ANKAR: variants seen among roughly 807,000 people sequenced by gnomAD.
ANKAR encodes ankyrin and armadillo repeat containing.
A neutral mutation model predicts 146.2 loss-of-function variants in ANKAR; 136 were observed. That is an observed-to-expected ratio of 0.93 (90% CI 0.81 to 1.07). The LOEUF (loss-of-function observed/expected upper bound fraction) is 1.07, where lower values mean the gene tolerates loss of function less well. Ranked by LOEUF, ANKAR falls within the 50% of genes least tolerant of loss-of-function variation. The pLI, the probability that ANKAR is intolerant of heterozygous loss-of-function variation, is 0.00. For missense variants in ANKAR, 1,567 were observed against 1,679.9 expected (o/e 0.93, Z 1.18); for synonymous variants, 500 against 575.8 (o/e 0.87, Z 1.88).
chr2:189,741,719 C>T (rs1395041876), intron 20 of ANKAR, among the ~76,000 whole-genome samples: 1 of 151,854 alleles, frequency 6.6e-6, no homozygotes, highest in Non-Finnish European at 1.5e-5. Context: ...TTGTTTTAAC[C>T]CTAAGACTTA....
rs1351705026 is a variant in ANKAR at position 189,738,565 on chromosome 2, A to C, written c.3583A>C (p.Ile1195Leu). The C allele has an allele frequency of 6.4e-7, 1 of 1,560,754 alleles. No homozygotes were observed. Among genetic ancestry groups the C allele is most frequent in the Non-Finnish European group, 8.7e-7 (1 of 1,145,790 alleles). ...ETEKAMAAFQ[I>L]VVLAKVIRDM... ...CTCTCTGCTTCTTTTCTGTTTTCAG[A>C]TTGTTGTACTGGCTAAAGTCATTAG... Residue 1195 changes from isoleucine (I) to leucine (L), a missense_variant and splice_region_variant, in exon 19 of 23, where the codon ATT (isoleucine) becomes CTT (leucine). Ile to Leu is a conservative substitution (Grantham distance 5, BLOSUM62 2). Coordinates refer to ENST00000684021, the MANE Select transcript of ANKAR (RefSeq NM_001378068.1).
chr2:189,727,217 CAA>C (rs2041971368), intron 12 of ANKAR, among the ~76,000 whole-genome samples: 2 of 151,940 alleles, frequency 1.3e-5, no homozygotes, highest in Non-Finnish European at 2.9e-5. Context: ...ATCAAATTAG[CAA>C]AGTTTACATA....
chr2:189,760,188 CTCTT>C (rs2046792648), intron 18 of ANKAR, among the ~76,000 whole-genome samples: 1 of 152,228 alleles, frequency 6.6e-6, no homozygotes, highest in Admixed American at 6.5e-5. Context: ...AATCTGATCT[CTCTT>C]TCTTTTCCCC....
At chr2:189,707,452 CAAAAAAAAA>C (rs67227035) in intron 9 of ANKAR, among the ~76,000 whole-genome samples, 2 of 72,928 alleles carry the variant, frequency 2.7e-5, no homozygotes, top group Non-Finnish European at 4.9e-5. Context: ...TCTCCTTCAT[CAAAAAAAAA>C]AAAAAAAAAA....
At chr2:189,745,594 G>A (rs531191682) in intron 22 of ANKAR, among the ~76,000 whole-genome samples, 2 of 152,292 alleles carry the variant, frequency 1.3e-5, no homozygotes, top group African/African-American at 4.8e-5. Flanking sequence ...ATATGTAATA[G>A]GGAATATAAA....
At chr2:189,700,717 A>G (rs1433013533) in intron 7 of ANKAR, among the ~76,000 whole-genome samples, 3 of 152,012 alleles carry the variant, frequency 2.0e-5, no homozygotes, top group Non-Finnish European at 4.4e-5. Flanking sequence ...CCATCATTAT[A>G]CTCTGTATCT....
At chr2:189,732,501 G>T (rs992730622) in intron 16 of ANKAR, among the ~76,000 whole-genome samples, 3 of 151,738 alleles carry the variant, frequency 2.0e-5, no homozygotes, top group South Asian at 4.2e-4. Flanking sequence ...CTCTGCTAAA[G>T]ATACAAAAAA....
chr2:189,754,922 C>G (rs1188832894), intron 18 of ANKAR: 5 of 463,410 alleles, frequency 1.1e-5, no homozygotes, highest in South Asian at 6.4e-5. Context: ...TGGCAAAATA[C>G]ATAACTGTAT....
At chr2:189,711,011 C>G in intron 9 of ANKAR, 38 bp from the exon 10 acceptor site, 1 of 1,553,842 alleles carries the variant, frequency 6.4e-7, no homozygotes, top group Non-Finnish European at 8.8e-7. Context: ...GCCTTTTGTG[C>G]AAATTACAGC....
At chr2:189,705,861 A>G (rs1194319916) in intron 8 of ANKAR, among the ~76,000 whole-genome samples, 4 of 152,096 alleles carry the variant, frequency 2.6e-5, no homozygotes, top group African/African-American at 9.7e-5. Context: ...CTAGAAATCT[A>G]AAGGCCAGGT....
Position 189,689,871 on chromosome 2 carries a change from C to G in ANKAR, c.946C>G (p.Leu316Val), listed in dbSNP as rs1268663252. ...AGATATCAGAAGAGGGATAGGATACCTAAAGTTAATATGTTTTCTGATTCC... is the reference window on the plus strand; with the variant it reads ...AGATATCAGAAGAGGGATAGGATACGTAAAGTTAATATGTTTTCTGATTCC... ...KKDIRRGIGY[L>V]KLICFLIPFL... The change falls in exon 3 of 23, where the codon CTA (leucine) becomes GTA (valine). Residue 316 changes from leucine (L) to valine (V), a missense_variant. Leu to Val is a conservative substitution (Grantham distance 32). Coordinates refer to ENST00000684021, the MANE Select transcript of ANKAR (RefSeq NM_001378068.1). The G allele has an allele frequency of 1.9e-6, 3 of 1,589,832 alleles. No homozygotes were observed. Among genetic ancestry groups the G allele is most frequent in the African/African-American group, 2.7e-5 (2 of 73,374 alleles).
rs139545987 is a variant in ANKAR at position 189,696,811 on chromosome 2, G to A, written c.1708+442G>A. On this transcript the variant is annotated intron_variant, in intron 7 of 22. Coordinates refer to ENST00000684021, the MANE Select transcript of ANKAR (RefSeq NM_001378068.1). The stretch of plus-strand genomic sequence containing the variant: ...GAACAGCAATAGATATGACTGTCAG[G>A]TCCCAGTAGAACAATCATTCTTTAT... Among the ~76,000 whole-genome samples, 232 of 152,234 alleles carry A rather than the reference G, an allele frequency of 1.5e-3. 1 individual carries two copies. Among genetic ancestry groups the A allele is most frequent in the African/African-American group, 5.3e-3 (222 of 41,556 alleles).
At chr2:189,746,310 A>T in intron 22 of ANKAR, 70 bp from the exon 23 acceptor site, 1 of 1,447,768 alleles carries the variant, frequency 6.9e-7, no homozygotes, top group Non-Finnish European at 9.3e-7. Flanking sequence ...ATAGAACTAC[A>T]TAGAAGTAGA....
chr2:189,689,847 G>A lies in ANKAR; in HGVS notation c.922G>A (p.Asp308Asn). Residue 308 changes from aspartate to asparagine, a missense_variant, in exon 3 of 23, where the codon GAT becomes AAT. Physicochemically the swap from Asp to Asn is conservative, Grantham distance 23. Coordinates refer to ENST00000684021, the MANE Select transcript of ANKAR (RefSeq NM_001378068.1). ...TCAAAAACACTTTGAGAAGAAAAAA[G>A]ATATCAGAAGAGGGATAGGATACCT... ...IIQKHFEKKK[D>N]IRRGIGYLKL... 1.9e-6 allele frequency: 3 copies of A among 1,602,946 alleles called. No homozygotes were observed. Among genetic ancestry groups the A allele is most frequent in the Non-Finnish European group, 2.6e-6 (3 of 1,175,184 alleles).
intron 20 of ANKAR, among the ~76,000 whole-genome samples, chr2:189,742,951 CACACACACACACACACACACACACA>C (rs2043568242): frequency 7.0e-6 from 1 of 143,136 alleles, no homozygotes; most frequent in South Asian, 2.2e-4. Flanking sequence ...CACACACACA[CACACACACACACACACACACACACA>C]CACACCCCTG....
In ANKAR at chr2:189,720,694, C is replaced by G. The variant is rs755839623; in HGVS notation, c.2542C>G (p.Arg848Gly). 1 of 1,502,394 alleles carries G rather than the reference C, an allele frequency of 6.7e-7. No homozygotes were observed. The highest frequency in any genetic ancestry group is 8.9e-7 in the Non-Finnish European group (1 of 1,127,176). The allele number at this position is 1,502,394 out of a possible 1,614,324, so 93.1% of individuals were successfully genotyped here. ...NVLVNVMNCIRVLCIGNENNQ... is the reference protein window; with the variant it reads ...NVLVNVMNCIGVLCIGNENNQ... ...GCTAGTAAATGTAATGAACTGTATA[C>G]GGGTATTGTGTATAGGAAATGAAAA... is the stretch of plus-strand genomic sequence containing the variant. Residue 848 changes from arginine (R) to glycine (G), a missense_variant, in exon 12 of 23, where the codon CGG (arginine) becomes GGG (glycine). Physicochemically the swap from Arg to Gly is moderately radical, Grantham distance 125. Coordinates refer to ENST00000684021, the MANE Select transcript of ANKAR (RefSeq NM_001378068.1).
At chr2:189,677,135 G>T (rs56090484) in intron 2 of ANKAR, 44 bp downstream of exon 2, 246,968 of 1,259,330 alleles carry the variant, frequency 0.2, 10,055 homozygotes, top group African/African-American at 0.3. Flanking sequence ...TTTTTTTTTT[G>T]GAACAGAGTC....
At chr2:189,750,385 C>T (rs13416709), downstream of ANKAR, 5,928 of 402,304 alleles carry the variant, frequency 0.015, 331 homozygotes, top group African/African-American at 0.12. Flanking sequence ...AAGAAAAAAA[C>T]TATCTTCCCT....
At chr2:189,731,376 C>CTTTTTTTTTTTTTT (rs71023714) in intron 16 of ANKAR, among the ~76,000 whole-genome samples, 1 of 137,388 alleles carries the variant, frequency 7.3e-6, no homozygotes, top group Non-Finnish European at 1.5e-5. Context: ...TTTCTTTTTT[C>CTTTTTTTTTTTTTT]TTTTTTTTTT....
Sources: allele counts gnomAD v4.1 joint callset (sites outside exome capture counted in the v4.1 genomes callset), GRCh38; gene constraint gnomAD v4.1.1; transcripts MANE v1.5; gene names NCBI Gene and HGNC (gene_info 2026-07-23, HGNC 2026-07-21).